CD58: variants seen among roughly 807,000 people sequenced by gnomAD.
CD58 encodes the protein CD58 molecule, also known as lymphocyte function-associated antigen 3.
A neutral mutation model predicts 27.6 loss-of-function variants in CD58; 14 were observed. That is an observed-to-expected ratio of 0.51 (90% CI 0.34 to 0.79). The LOEUF (loss-of-function observed/expected upper bound fraction) is 0.79, where lower values mean the gene tolerates loss of function less well. Among genes scored for constraint, CD58 ranks in the 30% least tolerant of loss-of-function variants. CD58 has a pLI of 0.02. For missense variants in CD58, 268 were observed against 301.7 expected (o/e 0.89, Z 0.83); for synonymous variants, 117 against 103.8 (o/e 1.13, Z -0.77).
At chr1:116,526,957 G>C (rs1236355993) in intron 3 of CD58, among the ~76,000 whole-genome samples, 2 of 152,114 alleles carry the variant, frequency 1.3e-5, no homozygotes, top group African/African-American at 4.8e-5. Context: ...ATGGTGTTGT[G>C]TTTTAAACTT....
intron 1 of CD58, among the ~76,000 whole-genome samples, chr1:116,560,381 A>G (rs1234921801): frequency 6.6e-6 from 1 of 152,170 alleles, no homozygotes; most frequent in African/African-American, 2.4e-5. Flanking sequence ...TCTATTCTCC[A>G]AAGTCTGATT....
chr1:116,535,010 C>T (rs892084723), intron 3 of CD58, among the ~76,000 whole-genome samples: 9 of 152,106 alleles, frequency 5.9e-5, no homozygotes, highest in East Asian at 1.9e-4. Context: ...TTACTATTTT[C>T]GTCTCTTTTA....
At chr1:116,560,768 T>C (rs1187818933) in intron 1 of CD58, among the ~76,000 whole-genome samples, 1 of 152,214 alleles carries the variant, frequency 6.6e-6, no homozygotes, top group Non-Finnish European at 1.5e-5. Flanking sequence ...CTGAAAGTTA[T>C]CTCCAAAGAG....
Position 116,517,877 on chromosome 1 carries a change from A to G in CD58, c.743+1354T>C, listed in dbSNP as rs1195736525. Reference sequence around the variant, plus strand: ...ACCCCAAAATCAACCTGTCAAAGCAAAAATTCATAATTTTCCTTCCCAACC... The same window carrying G: ...ACCCCAAAATCAACCTGTCAAAGCAGAAATTCATAATTTTCCTTCCCAACC... On this transcript the variant is annotated intron_variant, in intron 5 of 5. Transcript: ENST00000369489. This position sits in a 1 kb window ranked among gnomAD's most constrained non-coding sequence, Gnocchi z 6.5. 6.6e-6 allele frequency among the ~76,000 whole-genome samples: 1 copy of G among 152,198 alleles called. No homozygotes were observed. The highest frequency in any genetic ancestry group is 2.4e-5 in the African/African-American group (1 of 41,462).
At chr1:116,547,366 C>G (rs1001344358) in intron 1 of CD58, among the ~76,000 whole-genome samples, 1 of 150,454 alleles carries the variant, frequency 6.6e-6, no homozygotes, top group Non-Finnish European at 1.5e-5. Flanking sequence ...TCGCTCTGTC[C>G]CCAGGCTGGA....
rs542107803 is a variant in CD58 at position 116,531,937 on chromosome 1, A to G, written c.628+4028T>C. ...CACCCACTTGGAAACCCCACTCACC[A>G]GCCACCAACCGGTCACACCAACCAG... On this transcript the variant is annotated intron_variant, in intron 3 of 5. Coordinates refer to ENST00000369489, the MANE Select transcript of CD58 (RefSeq NM_001779.3). The surrounding 1 kb of genome is among the most constrained non-coding windows in gnomAD (Gnocchi z 4.5). 6.6e-6 allele frequency among the ~76,000 whole-genome samples: 1 copy of G among 152,326 alleles called. No individual in the cohort carries two copies. The highest frequency in any genetic ancestry group is 2.4e-5 in the African/African-American group (1 of 41,568).
In CD58 at chr1:116,521,457, T is replaced by G. The variant is rs182382541; in HGVS notation, c.706+449A>C. Among the ~76,000 whole-genome samples the G allele has an allele frequency of 6.6e-6, 1 of 152,318 alleles. No individual in the cohort carries two copies. The highest frequency in any genetic ancestry group is 1.5e-5 in the Non-Finnish European group (1 of 68,024). On this transcript the variant is annotated intron_variant, in intron 4 of 5. Coordinates refer to ENST00000369489, the MANE Select transcript of CD58 (RefSeq NM_001779.3). The surrounding 1 kb of genome is among the most constrained non-coding windows in gnomAD (Gnocchi z 5.6). The stretch of plus-strand genomic sequence containing the variant: ...TAGGGGACTGAGAAGGCTCAGGAAG[T>G]AATACAAGCACAATTACTTGTATTA...
chr1:116,531,024 A>G lies in CD58; in HGVS notation c.628+4941T>C, dbSNP rs1002746875. Among the ~76,000 whole-genome samples the G allele has an allele frequency of 2.6e-5, 4 of 152,222 alleles. No homozygotes were observed. Among genetic ancestry groups the G allele is most frequent in the Non-Finnish European group, 5.9e-5 (4 of 68,038 alleles). ...GTATATATGTGAACTATCAATTTGG[A>G]AGAAAATGTAAAAGAAGGATAAATC... is the stretch of plus-strand genomic sequence containing the variant. On this transcript the variant is annotated intron_variant, in intron 3 of 5. Transcript: ENST00000369489. This position sits in a 1 kb window ranked among gnomAD's most constrained non-coding sequence, Gnocchi z 4.5.
rs1657877380 is a variant in CD58, at chr1:116,538,109, C to G, written c.365-1881G>C. Among the ~76,000 whole-genome samples, 2 of 152,228 alleles carry G rather than the reference C, an allele frequency of 1.3e-5. No individual in the cohort carries two copies. Reference sequence around the variant, plus strand: ...AAACCAGAGTCACACACTGACTTCCCTTTCTACTTGGGGCTTCCTAGTTTT... The same window carrying G: ...AAACCAGAGTCACACACTGACTTCCGTTTCTACTTGGGGCTTCCTAGTTTT... On this transcript the variant is annotated intron_variant, in intron 2 of 5. Coordinates refer to ENST00000369489, the MANE Select transcript of CD58 (RefSeq NM_001779.3). The surrounding 1 kb of genome is among the most constrained non-coding windows in gnomAD (Gnocchi z 4.7).
chr1:116,514,553 C>T lies in CD58; in HGVS notation c.*260G>A, dbSNP rs1183044142. On this transcript the variant is annotated 3_prime_UTR_variant, in exon 6 of 6. Transcript: ENST00000369489. ...ACCTAGTCACTTGTGTACATATTTACATTTATTTACAAAAGTATCTACATC... is the reference window on the plus strand; with the variant it reads ...ACCTAGTCACTTGTGTACATATTTATATTTATTTACAAAAGTATCTACATC... 1 of 412,144 alleles carries T rather than the reference C, an allele frequency of 2.4e-6. No individual in the cohort carries two copies. The highest frequency in any genetic ancestry group is 2.1e-5 in the African/African-American group (1 of 48,382). 25.5% of individuals were successfully genotyped at this position (412,144 alleles called of 1,614,324 possible).
At chr1:116,566,531 G>A (rs1658941538) in intron 1 of CD58, among the ~76,000 whole-genome samples, 1 of 152,298 alleles carries the variant, frequency 6.6e-6, no homozygotes, top group African/African-American at 2.4e-5. Context: ...AAAGAAACCA[G>A]GGAACCTAAT....
rs79802569 is a variant in CD58 at position 116,559,257 on chromosome 1, C to T, written c.70+11646G>A. On this transcript the variant is annotated intron_variant, in intron 1 of 5. Transcript: ENST00000369489. This position sits in a 1 kb window ranked among gnomAD's most constrained non-coding sequence, Gnocchi z 4.4. ...AGAAAGGAGTTATTTCTTGAGAACA[C>T]GCCTATCAAAGTAAGGTGGTTTGCT... 3.0e-4 allele frequency among the ~76,000 whole-genome samples: 46 copies of T among 152,188 alleles called. No homozygotes were observed. In the East Asian group the frequency reaches 5.6e-3, roughly 19 times the overall value.
In CD58 at chr1:116,522,838, T is replaced by C. The variant is rs1318957743; in HGVS notation, c.629-855A>G. 2.6e-5 allele frequency among the ~76,000 whole-genome samples: 4 copies of C among 152,190 alleles called. No individual in the cohort carries two copies. Among genetic ancestry groups the C allele is most frequent in the African/African-American group, 9.7e-5 (4 of 41,448 alleles). On this transcript the variant is annotated intron_variant, in intron 3 of 5. Transcript: ENST00000369489. The surrounding 1 kb of genome is among the most constrained non-coding windows in gnomAD (Gnocchi z 4.6). The stretch of plus-strand genomic sequence containing the variant: ...TCTGGCAGTTGTATATAATAAGCCT[T>C]AAAAATATTTATCATGAAGCATCTA...
chr1:116,543,271 T>A (rs1169373581), intron 2 of CD58, among the ~76,000 whole-genome samples: 1 of 151,862 alleles, frequency 6.6e-6, no homozygotes, highest in African/African-American at 2.4e-5. Context: ...TGAAGGACTG[T>A]CAGCATCAGC....
Position 116,517,943 on chromosome 1 carries a change from G to A in CD58, c.743+1288C>T, listed in dbSNP as rs113477978. On this transcript the variant is annotated intron_variant, in intron 5 of 5. Coordinates refer to ENST00000369489, the MANE Select transcript of CD58 (RefSeq NM_001779.3). This position sits in a 1 kb window ranked among gnomAD's most constrained non-coding sequence, Gnocchi z 6.5. The stretch of plus-strand genomic sequence containing the variant: ...CTCCTCTGTGACACTTGGTCCTGTC[G>A]CTTTTATTTTTCTTGAAAAATAATA... Among the ~76,000 whole-genome samples the A allele has an allele frequency of 0.025, 3,844 of 152,110 alleles. 163 individuals carry two copies. Among genetic ancestry groups the A allele is most frequent in the African/African-American group, 0.084 (3,486 of 41,486 alleles).
intron 1 of CD58, among the ~76,000 whole-genome samples, chr1:116,545,535 G>A (rs555271085): frequency 1.3e-5 from 2 of 152,234 alleles, no homozygotes; most frequent in South Asian, 4.2e-4. Flanking sequence ...TGGGGGAAGT[G>A]GATGGGACTG....
intron 1 of CD58, among the ~76,000 whole-genome samples, chr1:116,551,161 T>C (rs1658375822): frequency 6.6e-6 from 1 of 152,194 alleles, no homozygotes; most frequent in Admixed American, 6.5e-5. Flanking sequence ...TCAGCTGCAT[T>C]AGCCCACACA....
At chr1:116,555,564 A>AT (rs973390832) in intron 1 of CD58, among the ~76,000 whole-genome samples, 9 of 152,182 alleles carry the variant, frequency 5.9e-5, no homozygotes, top group Non-Finnish European at 5.9e-5. Flanking sequence ...AGAATTTTGA[A>AT]TTTTTTTTAA....
intron 3 of CD58, chr1:116,533,186 G>A (rs1199849759): frequency 9.3e-6 from 7 of 751,806 alleles, no homozygotes; most frequent in East Asian, 2.5e-5. Flanking sequence ...GTGATTCTCC[G>A]TCCCCAGATG....
Sources: allele counts gnomAD v4.1 joint callset (sites outside exome capture counted in the v4.1 genomes callset), GRCh38; gene constraint gnomAD v4.1.1; non-coding constraint Gnocchi (gnomAD v3.1); transcripts MANE v1.5; gene names NCBI Gene and HGNC (gene_info 2026-07-23, HGNC 2026-07-21).